Variants in OMA1 observed in about 807,000 individuals in gnomAD.
OMA1 encodes the protein metalloendopeptidase OMA1, mitochondrial.
Under a neutral mutation model 30.9 loss-of-function variants are expected in OMA1, and 38 were observed. That is an observed-to-expected ratio of 1.23 (90% CI 0.95 to 1.61). OMA1 has a LOEUF of 1.61. Among genes scored for constraint, OMA1 ranks in the 40% most tolerant of loss-of-function variants. OMA1 has a pLI of 0.00. For missense variants in OMA1, 461 were observed against 349.2 expected (o/e 1.32, Z -2.55); for synonymous variants, 173 against 121.9 (o/e 1.42, Z -2.76).
intron 8 of OMA1, among the ~76,000 whole-genome samples, chr1:58,498,792 T>C (rs948518160): frequency 6.6e-6 from 1 of 151,656 alleles, no homozygotes; most frequent in East Asian, 1.9e-4. Context: ...CATGATTTCA[T>C]CTTTTAAAAA....
intron 6 of OMA1, 116 bp downstream of exon 6, chr1:58,530,485 C>T (rs967503210): frequency 1.5e-5 from 9 of 617,970 alleles, no homozygotes; most frequent in Admixed American, 8.2e-5. Context: ...ACTAAAAATT[C>T]GTACCCATAT....
chr1:58,525,456 C>T (rs1646334767), intron 7 of OMA1, among the ~76,000 whole-genome samples: 1 of 152,050 alleles, frequency 6.6e-6, no homozygotes, highest in South Asian at 2.1e-4. Flanking sequence ...AAGCAATTTA[C>T]TTTAAAAATG....
At chr1:58,491,591 C>CA (rs1557439128) in intron 8 of OMA1, among the ~76,000 whole-genome samples, 1 of 151,418 alleles carries the variant, frequency 6.6e-6, no homozygotes, top group Non-Finnish European at 1.5e-5. Context: ...AAATGGAAAA[C>CA]AAAAAAAGGC....
At chr1:58,516,071 GGCTTT>G (rs1324940847) in intron 7 of OMA1, among the ~76,000 whole-genome samples, 1 of 152,156 alleles carries the variant, frequency 6.6e-6, no homozygotes, top group Admixed American at 6.5e-5. Context: ...CCACTTAACA[GGCTTT>G]GGGGATTACT....
chr1:58,480,971 G>T lies in OMA1; in HGVS notation c.1569C>A (p.Gly523=). 1 of 858,058 alleles carries T rather than the reference G, an allele frequency of 1.2e-6. No homozygotes were observed. The highest frequency in any genetic ancestry group is 1.3e-5 in the South Asian group (1 of 74,244). 53.2% of individuals were successfully genotyped at this position (858,058 alleles called of 1,614,324 possible). Residue 523 remains glycine, a synonymous_variant, in exon 9 of 9, where the codon GGC becomes GGA. Transcript: ENST00000371226. Reference sequence around the variant, plus strand: ...GTGTCTCATAAATTTTAATTCAACTGCCCGTTCTTTTCTCAACTATGTATG... The same window carrying T: ...GTGTCTCATAAATTTTAATTCAACTTCCCGTTCTTTTCTCAACTATGTATG... The part of the protein sequence containing the change: ...PLTYIVEKRT[G]S
At chr1:58,531,833 C>T (rs535805383) in intron 5 of OMA1, among the ~76,000 whole-genome samples, 65 of 152,116 alleles carry the variant, frequency 4.3e-4, no homozygotes, top group African/African-American at 6.7e-4. Flanking sequence ...CTCAGCCTCC[C>T]GAGTACCTGT....
intron 8 of OMA1, among the ~76,000 whole-genome samples, chr1:58,481,487 T>C (rs1645481513): frequency 2.0e-5 from 3 of 152,214 alleles, no homozygotes; most frequent in African/African-American, 7.2e-5. Flanking sequence ...AGTTAAACTC[T>C]AGCAGACCGG....
chr1:58,492,046 G>C (rs1645703672), intron 8 of OMA1, among the ~76,000 whole-genome samples: 1 of 152,170 alleles, frequency 6.6e-6, no homozygotes, highest in South Asian at 2.1e-4. Context: ...TAAAAGAACA[G>C]AAAGTATAAC....
chr1:58,526,770 T>C (rs1386154656), intron 7 of OMA1, among the ~76,000 whole-genome samples: 3 of 152,130 alleles, frequency 2.0e-5, no homozygotes, highest in Non-Finnish European at 4.4e-5. Context: ...ACCTGTTTAC[T>C]CAAAAAGCCT....
At chr1:58,522,026 T>TTCTAGCAATA (rs1354284894) in intron 7 of OMA1, among the ~76,000 whole-genome samples, 2 of 152,166 alleles carry the variant, frequency 1.3e-5, no homozygotes, top group Non-Finnish European at 2.9e-5. Flanking sequence ...ATTAAACCAA[T>TTCTAGCAATA]TCTAGCAATA....
At chr1:58,503,438 AT>A (rs1378285842) in intron 8 of OMA1, among the ~76,000 whole-genome samples, 2 of 151,604 alleles carry the variant, frequency 1.3e-5, no homozygotes, top group Non-Finnish European at 1.5e-5. Context: ...TCTTTCTCAA[AT>A]TTTTTTTTCA....
chr1:58,507,070 G>A lies in OMA1; in HGVS notation c.1216-861C>T, dbSNP rs114809021. Among the ~76,000 whole-genome samples the A allele has an allele frequency of 7.0e-3, 1,057 of 151,964 alleles. 11 individuals are homozygous for A. Among genetic ancestry groups the A allele is most frequent in the African/African-American group, 0.024 (1,006 of 41,498 alleles). On this transcript the variant is annotated intron_variant, in intron 7 of 8. Transcript: ENST00000371226. ...TACCTGAGGTATCTGATAGTGGAGAGGGAGCAACACTTTTATTTCTGAACT... is the reference window on the plus strand; with the variant it reads ...TACCTGAGGTATCTGATAGTGGAGAAGGAGCAACACTTTTATTTCTGAACT...
chr1:58,540,825 A>AC (rs920238091), intron 1 of OMA1, among the ~76,000 whole-genome samples: 3 of 152,018 alleles, frequency 2.0e-5, no homozygotes, highest in East Asian at 1.9e-4. Context: ...GAAAAAAAAA[A>AC]CACTTGAAAT....
At chr1:58,531,503 A>G (rs1646433182) in intron 5 of OMA1, among the ~76,000 whole-genome samples, 1 of 152,180 alleles carries the variant, frequency 6.6e-6, no homozygotes. Flanking sequence ...ATTAAAGGTG[A>G]TTAGTAAATG....
At chr1:58,544,680 G>A (rs1460423519) in intron 1 of OMA1, among the ~76,000 whole-genome samples, 1 of 152,048 alleles carries the variant, frequency 6.6e-6, no homozygotes, top group Non-Finnish European at 1.5e-5. Flanking sequence ...CTGCAACCTC[G>A]CCTCTTGGGT....
intron 8 of OMA1, among the ~76,000 whole-genome samples, chr1:58,500,593 A>G (rs971604155): frequency 2.5e-4 from 38 of 152,342 alleles, no homozygotes; most frequent in African/African-American, 7.9e-4. Context: ...TGAATTTGAT[A>G]AAGATTTTTT....
At chr1:58,511,579 T>G (rs931308445) in intron 7 of OMA1, among the ~76,000 whole-genome samples, 3 of 151,970 alleles carry the variant, frequency 2.0e-5, no homozygotes, top group Admixed American at 2.0e-4. Context: ...GAGTAAGCTG[T>G]GATCACATCA....
chr1:58,535,628 C>A (rs6667614), intron 3 of OMA1, among the ~76,000 whole-genome samples: 86,314 of 148,664 alleles, frequency 0.58, 27,290 homozygotes, highest in East Asian at 0.82. Context: ...TTCAGCCATG[C>A]CAAAGCTGTC....
intron 8 of OMA1, among the ~76,000 whole-genome samples, chr1:58,495,971 T>G (rs1048539908): frequency 1.3e-5 from 2 of 152,176 alleles, no homozygotes; most frequent in African/African-American, 4.8e-5. Context: ...ATATCTAAGC[T>G]TGTCATTTCA....
Sources: gnomAD v4.1 joint callset for allele counts (sites outside exome capture counted in the v4.1 genomes callset) on GRCh38, gnomAD v4.1.1 for gene constraint, MANE v1.5 for transcripts, NCBI Gene and HGNC (gene_info 2026-07-23, HGNC 2026-07-21) for gene names.